PTCHD4: variants seen among roughly 807,000 people sequenced by gnomAD.
PTCHD4 encodes the protein patched domain containing 4.
A neutral mutation model predicts 58.1 loss-of-function variants in PTCHD4; 33 were observed. The ratio of observed to expected loss-of-function variants is 0.57; its 90% CI spans 0.43 to 0.76. The LOEUF (loss-of-function observed/expected upper bound fraction) is 0.76. Ranked by LOEUF, PTCHD4 falls within the 30% of genes least tolerant of loss-of-function variation. PTCHD4 has a pLI of 0.00. For missense variants in PTCHD4, 1,058 were observed against 1,027.1 expected (o/e 1.03, Z -0.41); for synonymous variants, 478 against 409.6 (o/e 1.17, Z -2.02).
intron 4 of PTCHD4, among the ~76,000 whole-genome samples, chr6:47,968,459 A>G (rs2113982930): frequency 6.6e-6 from 1 of 152,324 alleles, no homozygotes; most frequent in Admixed American, 6.5e-5. Context: ...TTTTGGAAAA[A>G]TGGCACTGAT....
At chr6:48,107,598 A>C (rs1208495417) in intron 1 of PTCHD4, among the ~76,000 whole-genome samples, 1 of 152,090 alleles carries the variant, frequency 6.6e-6, no homozygotes, top group Non-Finnish European at 1.5e-5. Flanking sequence ...AAATTGACAA[A>C]TGGGATCTAA....
chr6:47,920,927 A>C (rs780689459), intron 4 of PTCHD4, among the ~76,000 whole-genome samples: 6 of 152,198 alleles, frequency 3.9e-5, no homozygotes, highest in Non-Finnish European at 8.8e-5. Flanking sequence ...TAGAAAGAGG[A>C]AGGAAGAAAA....
At chr6:48,046,341 G>C (rs984653285) in intron 3 of PTCHD4, among the ~76,000 whole-genome samples, 2 of 151,738 alleles carry the variant, frequency 1.3e-5, no homozygotes, top group African/African-American at 4.8e-5. Flanking sequence ...TAGCTTTTGG[G>C]GGAAGCACTG....
chr6:48,063,447 G>A (rs1764698641), intron 3 of PTCHD4, among the ~76,000 whole-genome samples: 1 of 152,062 alleles, frequency 6.6e-6, no homozygotes, highest in Non-Finnish European at 1.5e-5. Context: ...TTAGTATAAA[G>A]GGCTGTTGTT....
intron 1 of PTCHD4, among the ~76,000 whole-genome samples, chr6:48,106,425 T>G (rs902795966): frequency 6.6e-6 from 1 of 152,160 alleles, no homozygotes; most frequent in Non-Finnish European, 1.5e-5. Flanking sequence ...AAATTCTCAA[T>G]AAATTAGGTA....
intron 4 of PTCHD4, among the ~76,000 whole-genome samples, chr6:47,948,095 C>T (rs916446435): frequency 6.6e-5 from 10 of 152,196 alleles, no homozygotes; most frequent in African/African-American, 2.4e-4. Context: ...AGAGCTGGAG[C>T]TGTGGTCTTA....
rs1358489553 is a variant in PTCHD4, at chr6:47,862,953, C to T, written c.*15350G>A. Among the ~76,000 whole-genome samples, 1 of 151,888 alleles carries T rather than the reference C, an allele frequency of 6.6e-6. No individual in the cohort carries two copies. The highest frequency in any genetic ancestry group is 2.4e-5 in the African/African-American group (1 of 41,404). Reference sequence around the variant, plus strand: ...AAATACTGTCTTTATGCTACTGGAACATTAATTTCACACATTGAGGGTAAT... The same window carrying T: ...AAATACTGTCTTTATGCTACTGGAATATTAATTTCACACATTGAGGGTAAT... On this transcript the variant is annotated 3_prime_UTR_variant, in exon 5 of 5. Transcript: ENST00000339488.
At chr6:48,019,792 A>G (rs990417510) in intron 3 of PTCHD4, among the ~76,000 whole-genome samples, 2 of 152,160 alleles carry the variant, frequency 1.3e-5, no homozygotes, top group African/African-American at 4.8e-5. Context: ...CAAGATGTCA[A>G]GAGAGCACTG....
intron 3 of PTCHD4, among the ~76,000 whole-genome samples, chr6:48,037,915 A>AT (rs1763698871): frequency 9.2e-6 from 1 of 108,330 alleles, no homozygotes; most frequent in Non-Finnish European, 2.0e-5. Flanking sequence ...AAAAAAAAAA[A>AT]AAAAAGTTCC....
At chr6:47,888,901 T>G (rs1764285066) in intron 4 of PTCHD4, among the ~76,000 whole-genome samples, 1 of 113,386 alleles carries the variant, frequency 8.8e-6, no homozygotes, top group African/African-American at 3.4e-5. Flanking sequence ...AGTGAGAATA[T>G]GCGGTGTTTG....
intron 3 of PTCHD4, among the ~76,000 whole-genome samples, chr6:48,058,267 G>A (rs910594335): frequency 1.3e-5 from 2 of 152,252 alleles, no homozygotes; most frequent in Non-Finnish European, 2.9e-5. Context: ...AGCAGATCCC[G>A]AATTAGGTCT....
intron 3 of PTCHD4, among the ~76,000 whole-genome samples, chr6:48,031,594 T>C (rs1763442389): frequency 6.6e-6 from 1 of 152,114 alleles, no homozygotes; most frequent in South Asian, 2.1e-4. Flanking sequence ...AATGTGAGAA[T>C]AGAAGCCGTG....
In PTCHD4 at chr6:48,054,124, G is replaced by A. The variant is rs187368396; in HGVS notation, c.417+14106C>T. ...CTTGGGTTCTTTCCCCAGATATTTT[G>A]ATTCAATCGATCTTAAGAGGGGCCC... On this transcript the variant is annotated intron_variant, in intron 3 of 4. Coordinates refer to ENST00000339488, the MANE Select transcript of PTCHD4 (RefSeq NM_001384253.1). Among the ~76,000 whole-genome samples the A allele has an allele frequency of 2.6e-5, 4 of 152,192 alleles. No individual in the cohort carries two copies. The East Asian group carries it at 5.8e-4, about 22-fold the overall frequency.
In PTCHD4 at chr6:47,876,745, C is replaced by A. The variant is rs1244349281; in HGVS notation, c.*1558G>T. Among the ~76,000 whole-genome samples, 1 of 151,956 alleles carries A rather than the reference C, an allele frequency of 6.6e-6. No individual in the cohort carries two copies. The highest frequency in any genetic ancestry group is 1.5e-5 in the Non-Finnish European group (1 of 67,954). On this transcript the variant is annotated 3_prime_UTR_variant, in exon 5 of 5. Coordinates refer to ENST00000339488, the MANE Select transcript of PTCHD4 (RefSeq NM_001384253.1). ...GGAAATAAATTATGTTACTGCTTGG[C>A]ATGGGAAAAGGCATTTTCTAGTAAT... is the stretch of plus-strand genomic sequence containing the variant.
In PTCHD4 at chr6:47,859,762, G is replaced by A. The variant is rs1561923221; in HGVS notation, c.*18541C>T. ...ATATTTTCATGAGATTGTCAGGAAAGGCCTCTCTAATGCATACTTATTTAA... is the reference window on the plus strand; with the variant it reads ...ATATTTTCATGAGATTGTCAGGAAAAGCCTCTCTAATGCATACTTATTTAA... On this transcript the variant is annotated 3_prime_UTR_variant, in exon 5 of 5. Transcript: ENST00000339488. Among the ~76,000 whole-genome samples, 1 of 152,080 alleles carries A rather than the reference G, an allele frequency of 6.6e-6. No individual in the cohort carries two copies. The highest frequency in any genetic ancestry group is 1.9e-4 in the East Asian group (1 of 5,148).
intron 4 of PTCHD4, among the ~76,000 whole-genome samples, chr6:47,881,721 T>C (rs1420801099): frequency 6.6e-6 from 1 of 152,188 alleles, no homozygotes. Context: ...AATGCAAATA[T>C]TTGATTTTTA....
In PTCHD4 at chr6:47,866,160, G is replaced by A. The variant is rs1763557818; in HGVS notation, c.*12143C>T. Among the ~76,000 whole-genome samples, 1 of 151,860 alleles carries A rather than the reference G, an allele frequency of 6.6e-6. No individual in the cohort carries two copies. The highest frequency in any genetic ancestry group is 1.5e-5 in the Non-Finnish European group (1 of 67,896). On this transcript the variant is annotated 3_prime_UTR_variant, in exon 5 of 5. Transcript: ENST00000339488. The stretch of plus-strand genomic sequence containing the variant: ...TCTGGCTTATATTCTAGTTATAGAT[G>A]TCACAGACGCTTTTGTCTTGTGACT...
chr6:48,067,479 A>G (rs1764839051), intron 3 of PTCHD4, among the ~76,000 whole-genome samples: 1 of 152,104 alleles, frequency 6.6e-6, no homozygotes, highest in African/African-American at 2.4e-5. Flanking sequence ...TCCTATTTTT[A>G]TACACAGAAA....
intron 4 of PTCHD4, among the ~76,000 whole-genome samples, chr6:48,002,619 GT>G (rs1478311153): frequency 2.1e-5 from 3 of 145,670 alleles, no homozygotes; most frequent in Non-Finnish European, 3.0e-5. Flanking sequence ...TGGGGTGGGG[GT>G]AGGGGGGAGG....
Sources: gnomAD v4.1 joint callset for allele counts (sites outside exome capture counted in the v4.1 genomes callset) on GRCh38, gnomAD v4.1.1 for gene constraint, MANE v1.5 for transcripts, NCBI Gene and HGNC (gene_info 2026-07-23, HGNC 2026-07-21) for gene names.